The following MPHOSPH9 variants were observed in gnomAD, a reference collection of about 807,000 sequenced individuals.
The protein encoded by MPHOSPH9 is M-phase phosphoprotein 9.
In MPHOSPH9, 88 loss-of-function variants were observed where a neutral mutation model predicts 145.5. The ratio of observed to expected loss-of-function variants is 0.60; its 90% CI spans 0.51 to 0.72. MPHOSPH9 has a LOEUF of 0.72. Ranked by LOEUF, MPHOSPH9 falls within the 30% of genes least tolerant of loss-of-function variation. The pLI, the probability that MPHOSPH9 is intolerant of heterozygous loss-of-function variation, is 0.00. For missense variants in MPHOSPH9, 1,238 were observed against 1,386.6 expected, an observed-to-expected ratio of 0.89 and a Z score of 1.70; for synonymous variants, 435 against 486.2, an observed-to-expected ratio of 0.89 and a Z score of 1.39.
At position 123,202,741 on chromosome 12, in the gene MPHOSPH9, T is replaced by C; in HGVS notation, c.1664A>G (p.Glu555Gly). ...GGCCGAAGCAACCATGACAGTGTTT[T>C]CTTCATCTACAGTGTTGACCGAGAT... ...NDISVNTVDE[E>G]NTVMVASASV... The change falls in exon 10 of 24, where the codon GAA (glutamate) becomes GGA (glycine). Residue 555 changes from glutamate to glycine, a missense_variant. Physicochemically the swap from Glu to Gly is moderately conservative, Grantham distance 98. Around this residue, in one of 3 missense-constraint regions of MPHOSPH9, gnomAD observed 837 missense variants for 897.5 expected, o/e 0.93. Transcript: ENST00000606320. The C allele has an allele frequency of 6.2e-7, 1 of 1,614,216 alleles. No homozygotes were observed. Among genetic ancestry groups the C allele is most frequent in the Non-Finnish European group, 8.5e-7 (1 of 1,180,022 alleles).
chr12:123,222,765 G>A (rs528975912), intron 4 of MPHOSPH9, among the ~76,000 whole-genome samples: 168 of 152,220 alleles, frequency 1.1e-3, no homozygotes, highest in African/African-American at 3.7e-3. Context: ...GGCAAAACCC[G>A]TCTCTACTAA....
At position 123,202,772 on chromosome 12, in the gene MPHOSPH9, T is replaced by G; in HGVS notation, c.1633A>C (p.Asn545His). The change falls in exon 10 of 24, where the codon AAT becomes CAT. Residue 545 changes from asparagine (N) to histidine (H), a missense_variant. Asn to His is a moderately conservative substitution (Grantham distance 68, BLOSUM62 1). This residue lies in a region of MPHOSPH9 where 837 missense variants were observed against 897.5 expected (regional missense o/e 0.93). Coordinates refer to ENST00000606320, the MANE Select transcript of MPHOSPH9 (RefSeq NM_022782.4). ...TCTACAGTGTTGACCGAGATATCAT[T>G]ACTAGTAATGGTATATACTGACGGA... is the stretch of plus-strand genomic sequence containing the variant. The part of the protein sequence containing the change: ...TFPSVYTITS[N>H]DISVNTVDEE... 1 of 1,614,192 alleles carries G rather than the reference T, an allele frequency of 6.2e-7. No homozygotes were observed. Among genetic ancestry groups the G allele is most frequent in the Non-Finnish European group, 8.5e-7 (1 of 1,180,034 alleles).
intron 16 of MPHOSPH9, among the ~76,000 whole-genome samples, chr12:123,168,335 G>A (rs2044405164): frequency 1.3e-5 from 2 of 148,974 alleles, no homozygotes; most frequent in Admixed American, 1.3e-4. Flanking sequence ...CTGGCAACAT[G>A]ACTTTCTTTT....
intron 3 of MPHOSPH9, chr12:123,226,252 T>C: frequency 1.2e-6 from 1 of 839,074 alleles, no homozygotes; most frequent in Non-Finnish European, 1.5e-6. Flanking sequence ...TTTTTTATAA[T>C]TTCAATAATT....
intron 15 of MPHOSPH9, among the ~76,000 whole-genome samples, chr12:123,178,572 G>C (rs2044984624): frequency 6.6e-6 from 1 of 152,104 alleles, no homozygotes; most frequent in African/African-American, 2.4e-5. Context: ...CACCCAGGCT[G>C]GAGTGCAGTG....
chr12:123,164,878 G>C (rs2137909166), intron 18 of MPHOSPH9, among the ~76,000 whole-genome samples: 1 of 152,154 alleles, frequency 6.6e-6, no homozygotes, highest in African/African-American at 2.4e-5. Context: ...GGGTGCTGGA[G>C]GGCACCTGTA....
At chr12:123,182,858 G>A (rs548014582) in intron 13 of MPHOSPH9, among the ~76,000 whole-genome samples, 3 of 151,928 alleles carry the variant, frequency 2.0e-5, no homozygotes, top group Admixed American at 2.0e-4. Flanking sequence ...AGGTTGTAGT[G>A]AGCTGAGAGG....
intron 13 of MPHOSPH9, among the ~76,000 whole-genome samples, chr12:123,185,421 A>T (rs560009624): frequency 6.6e-6 from 1 of 152,272 alleles, no homozygotes; most frequent in East Asian, 1.9e-4. Flanking sequence ...AAAGAACCAC[A>T]TTAGAAAGGA....
chr12:123,218,386 G>C lies in MPHOSPH9; in HGVS notation c.986C>G (p.Pro329Arg), dbSNP rs750214266. 2.5e-6 allele frequency: 4 copies of C among 1,613,914 alleles called. No homozygotes were observed. In the Admixed American group the frequency reaches 6.7e-5, roughly 27 times the overall value. ...TGACTAGTCACCTACTTTCTCAATT[G>C]GTGTCTTCTTACTTTGCTCATTTCC... The part of the protein sequence containing the change: ...KQGNEQSKKT[P>R]IEKSDFAAAT... Residue 329 changes from proline (P) to arginine (R), a missense_variant, in exon 6 of 24, where the codon CCA becomes CGA. Physicochemically the swap from Pro to Arg is moderately radical, Grantham distance 103 (BLOSUM62 -2). Transcript: ENST00000606320.
chr12:123,166,388 G>A, intron 17 of MPHOSPH9: 1 of 423,066 alleles, frequency 2.4e-6, no homozygotes, highest in South Asian at 2.7e-5. Context: ...TTACAGGCGT[G>A]AGCCACCACA....
intron 16 of MPHOSPH9, among the ~76,000 whole-genome samples, chr12:123,172,822 T>C (rs1349701753): frequency 6.7e-6 from 1 of 149,750 alleles, no homozygotes; most frequent in South Asian, 2.1e-4. Flanking sequence ...CTTGAGTGTA[T>C]GACAGTATTT....
At chr12:123,166,896 CTAATT>C in intron 16 of MPHOSPH9, 107 bp from the exon 17 acceptor site, 1 of 1,154,470 alleles carries the variant, frequency 8.7e-7, no homozygotes, top group Non-Finnish European at 1.2e-6. Context: ...CATTTGTACA[CTAATT>C]TAAAAATCAC....
chr12:123,156,834 A>G lies in MPHOSPH9; in HGVS notation c.3525T>C (p.His1175=). ...GSVRMTLKKF[H]VLRTSANL is the part of the protein sequence containing the mutation. ...AAAGATTTGCAGAGGTGCGCAAAAC[A>G]TGGAATTTCTTTAGCGTCATGCGAA... is the stretch of plus-strand genomic sequence containing the variant. The change falls in exon 24 of 24, where the codon CAT becomes CAC. Residue 1175 remains histidine (H), a synonymous_variant. Coordinates refer to ENST00000606320, the MANE Select transcript of MPHOSPH9 (RefSeq NM_022782.4). 17 of 1,612,394 alleles carry G rather than the reference A, an allele frequency of 1.1e-5. No individual in the cohort carries two copies. Among genetic ancestry groups the G allele is most frequent in the Non-Finnish European group, 1.4e-5 (16 of 1,178,644 alleles).
chr12:123,190,636 G>A (rs2045638597), intron 13 of MPHOSPH9, among the ~76,000 whole-genome samples: 1 of 152,142 alleles, frequency 6.6e-6, no homozygotes, highest in Non-Finnish European at 1.5e-5. Flanking sequence ...GGTTGCAGCA[G>A]GATATATGCA....
intron 3 of MPHOSPH9, 103 bp downstream of exon 3, chr12:123,227,360 G>T: frequency 1.2e-6 from 1 of 858,940 alleles, no homozygotes; most frequent in Non-Finnish European, 1.6e-6. Context: ...ACTTAAAAGT[G>T]TCATGCTCTT....
intron 13 of MPHOSPH9, among the ~76,000 whole-genome samples, chr12:123,186,763 T>C (rs1716156): frequency 0.65 from 98,335 of 151,970 alleles, 36,336 homozygotes; most frequent in East Asian, 1. Context: ...GATTTCGAGG[T>C]CAGCCTGGCC....
intron 6 of MPHOSPH9, among the ~76,000 whole-genome samples, chr12:123,216,306 A>G (rs2046957917): frequency 6.6e-6 from 1 of 152,218 alleles, no homozygotes; most frequent in South Asian, 2.1e-4. Flanking sequence ...CAGGAAGCCT[A>G]AATTGAAGAA....
chr12:123,216,429 G>A (rs1253487996), intron 6 of MPHOSPH9, among the ~76,000 whole-genome samples: 2 of 152,264 alleles, frequency 1.3e-5, no homozygotes, highest in Non-Finnish European at 2.9e-5. Flanking sequence ...CCATGTTCAG[G>A]ATAAGACATG....
intron 7 of MPHOSPH9, among the ~76,000 whole-genome samples, chr12:123,213,971 T>G (rs1790133): frequency 0.64 from 97,405 of 151,718 alleles, 35,730 homozygotes; most frequent in East Asian, 1. Context: ...CTGTGGAGGT[T>G]GTAAGAAGTG....
Sources: gnomAD v4.1 joint callset for allele counts (sites outside exome capture counted in the v4.1 genomes callset) on GRCh38, gnomAD v4.1.1 for gene constraint, gnomAD v4.1.1 regional missense constraint, MANE v1.5 for transcripts, NCBI Gene and HGNC (gene_info 2026-07-23, HGNC 2026-07-21) for gene names.